ZMYND11: variants seen among roughly 807,000 people sequenced by gnomAD.
ZMYND11 encodes zinc finger MYND domain-containing protein 11.
In ZMYND11, 9 loss-of-function variants were observed where a neutral mutation model predicts 84.9. That is an observed-to-expected ratio of 0.11 (90% CI 0.06 to 0.18). The LOEUF is 0.18. Among genes scored for constraint, ZMYND11 ranks in the 10% least tolerant of loss-of-function variants. ZMYND11 has a pLI of 1.00. For missense variants in ZMYND11, 409 were observed against 761.0 expected (o/e 0.54, Z 5.44); for synonymous variants, 250 against 244.1 (o/e 1.02, Z -0.23).
At chr10:241,986 A>T in intron 9 of ZMYND11, 35 bp from the exon 10 acceptor site, 1 of 1,607,258 alleles carries the variant, frequency 6.2e-7, no homozygotes, top group Non-Finnish European at 8.5e-7. Context: ...AATACTTTAA[A>T]AGTAATATAA....
Position 246,841 on chromosome 10 carries a change from T to A in ZMYND11, c.1026T>A (p.Gly342=). The change falls in exon 11 of 15, where the codon GGT becomes GGA. Residue 342 remains glycine, a synonymous_variant. Coordinates refer to ENST00000381604, the MANE Select transcript of ZMYND11 (RefSeq NM_001370100.5). ...GGCTGCACGTGAAGCGCAGTATGGGTTGGAAAAAGGCCTGTGATGAGCTGG... is the reference window on the plus strand; with the variant it reads ...GGCTGCACGTGAAGCGCAGTATGGGATGGAAAAAGGCCTGTGATGAGCTGG... ...IHRLHVKRSM[G]WKKACDELEL... is the part of the protein sequence containing the mutation. 6.2e-7 allele frequency: 1 copy of A among 1,614,118 alleles called. No homozygotes were observed. Among genetic ancestry groups the A allele is most frequent in the Non-Finnish European group, 8.5e-7 (1 of 1,180,006 alleles).
chr10:185,729 C>T (rs1308265122), intron 2 of ZMYND11, among the ~76,000 whole-genome samples: 1 of 147,816 alleles, frequency 6.8e-6, no homozygotes, highest in Non-Finnish European at 1.5e-5. Context: ...GCAGGAGAGT[C>T]ACTTGAACCC....
intron 2 of ZMYND11, among the ~76,000 whole-genome samples, chr10:186,794 T>C (rs963628436): frequency 1.3e-5 from 2 of 152,144 alleles, no homozygotes; most frequent in Non-Finnish European, 2.9e-5. Context: ...ATAGGAGAAC[T>C]TATCTGTTCT....
intron 5 of ZMYND11, 79 bp downstream of exon 5, chr10:236,994 C>A (rs1055423816): frequency 1.5e-6 from 2 of 1,347,992 alleles, no homozygotes; most frequent in South Asian, 1.3e-5. Flanking sequence ...GTTGAATGAT[C>A]GAGAAGTAAC....
intron 10 of ZMYND11, among the ~76,000 whole-genome samples, chr10:243,311 G>A (rs2131840542): frequency 6.6e-6 from 1 of 152,138 alleles, no homozygotes; most frequent in Non-Finnish European, 1.5e-5. Flanking sequence ...AGATATTCAA[G>A]GAATAACGGG....
intron 3 of ZMYND11, among the ~76,000 whole-genome samples, chr10:217,290 T>C (rs1946338611): frequency 6.6e-6 from 1 of 152,182 alleles, no homozygotes; most frequent in African/African-American, 2.4e-5. Flanking sequence ...TCCTAGCACT[T>C]TGGGCAGATT....
chr10:190,396 C>T (rs1940037458), intron 2 of ZMYND11, among the ~76,000 whole-genome samples: 1 of 152,174 alleles, frequency 6.6e-6, no homozygotes, highest in African/African-American at 2.4e-5. Context: ...CACCCTCCTG[C>T]AACTCCCCAC....
At chr10:173,787 A>G (rs1187477926) in intron 1 of ZMYND11, among the ~76,000 whole-genome samples, 5 of 152,226 alleles carry the variant, frequency 3.3e-5, no homozygotes, top group Non-Finnish European at 7.3e-5. Context: ...CAGATGACAC[A>G]TAAACATATG....
chr10:246,659 T>G, intron 10 of ZMYND11, 107 bp from the exon 11 acceptor site: 1 of 1,045,458 alleles, frequency 9.6e-7, no homozygotes, highest in East Asian at 2.6e-5. Flanking sequence ...AGACGAGAAC[T>G]GCCACAGGTC....
rs1012261411 is a variant in ZMYND11 at position 205,538 on chromosome 10, AAGTT to A, written c.117-4347_117-4344del. ...GACCCTGTTTCTACAAAAAATTAAAAAGTTAGTCAGGTGTAGTGGTGTGTGGCTG... is the reference window on the plus strand; with the variant it reads ...GACCCTGTTTCTACAAAAAATTAAAAAGTCAGGTGTAGTGGTGTGTGGCTG... On this transcript the variant is annotated intron_variant, in intron 2 of 14. Coordinates refer to ENST00000381604, the MANE Select transcript of ZMYND11 (RefSeq NM_001370100.5). Among the ~76,000 whole-genome samples, 24 of 151,852 alleles carry A rather than the reference AAGTT, an allele frequency of 1.6e-4. 1 individual carries two copies. In the South Asian group the frequency reaches 4.0e-3, roughly 25 times the overall value.
At chr10:204,477 ATT>A (rs1412541056) in intron 2 of ZMYND11, among the ~76,000 whole-genome samples, 1 of 152,146 alleles carries the variant, frequency 6.6e-6, no homozygotes, top group Non-Finnish European at 1.5e-5. Context: ...TACCCAAAGA[ATT>A]TATTGAACTA....
intron 10 of ZMYND11, among the ~76,000 whole-genome samples, chr10:245,955 A>C (rs1315781829): frequency 6.6e-6 from 1 of 152,208 alleles, no homozygotes; most frequent in East Asian, 1.9e-4. Flanking sequence ...AATGAAACTC[A>C]AGATCACGTA....
chr10:250,781 A>C (rs1377511630), intron 14 of ZMYND11, among the ~76,000 whole-genome samples: 1 of 152,150 alleles, frequency 6.6e-6, no homozygotes, highest in African/African-American at 2.4e-5. Flanking sequence ...TCACACCTGT[A>C]ATTCCAGCAC....
At chr10:249,522 TAAAG>T (rs1436677518) in intron 14 of ZMYND11, 21 of 984,892 alleles carry the variant, frequency 2.1e-5, no homozygotes, top group Non-Finnish European at 2.0e-5. Context: ...TAGATTTTGT[TAAAG>T]AAATCAGTTA....
At chr10:177,148 C>A (rs182487390) in intron 1 of ZMYND11, among the ~76,000 whole-genome samples, 10 of 152,042 alleles carry the variant, frequency 6.6e-5, no homozygotes, top group Non-Finnish European at 1.2e-4. Flanking sequence ...GTGTGTAACA[C>A]GCATATATGA....
At chr10:136,082 C>A (rs1184409206) in intron 1 of ZMYND11, among the ~76,000 whole-genome samples, 1 of 151,860 alleles carries the variant, frequency 6.6e-6, no homozygotes. Context: ...AGGCCCGGGG[C>A]GGAGATTCGT....
At chr10:181,806 AAAAT>A (rs1564331810) in intron 2 of ZMYND11, among the ~76,000 whole-genome samples, 2 of 152,224 alleles carry the variant, frequency 1.3e-5, no homozygotes, top group African/African-American at 4.8e-5. Flanking sequence ...CAATAAGAAT[AAAAT>A]AAATAGTACA....
At chr10:185,625 C>T (rs1938109593) in intron 2 of ZMYND11, among the ~76,000 whole-genome samples, 3 of 151,082 alleles carry the variant, frequency 2.0e-5, no homozygotes, top group Non-Finnish European at 3.0e-5. Context: ...ACCAGCCTTG[C>T]CAACATAGTG....
intron 10 of ZMYND11, 129 bp from the exon 11 acceptor site, chr10:246,637 C>T (rs1952217548): frequency 2.4e-6 from 2 of 824,360 alleles, no homozygotes; most frequent in Non-Finnish European, 3.9e-6. Flanking sequence ...ATTGCTTTTG[C>T]ACCAAGCTAA....
Sources: allele counts gnomAD v4.1 joint callset (sites outside exome capture counted in the v4.1 genomes callset), GRCh38; gene constraint gnomAD v4.1.1; transcripts MANE v1.5; gene names NCBI Gene and HGNC (gene_info 2026-07-23, HGNC 2026-07-21).